The following DLC1 variants were observed in gnomAD, a reference collection of about 807,000 sequenced individuals.
DLC1 encodes the protein rho GTPase-activating protein 7.
A neutral mutation model predicts 140.3 loss-of-function variants in DLC1; 54 were observed. The observed-to-expected ratio is 0.38, with a 90% CI of 0.31 to 0.48. The LOEUF (loss-of-function observed/expected upper bound fraction) is 0.48, where lower values mean the gene tolerates loss of function less well. DLC1 is among the 20% of genes least tolerant of loss of function. DLC1 has a pLI of 0.96. For missense variants in DLC1, 2,536 were observed against 1,907.0 expected, an observed-to-expected ratio of 1.33 and a Z score of -6.14; for synonymous variants, 986 against 728.1, an observed-to-expected ratio of 1.35 and a Z score of -5.70.
At chr8:13,200,571 G>T (rs924921167) in intron 5 of DLC1, among the ~76,000 whole-genome samples, 1 of 151,992 alleles carries the variant, frequency 6.6e-6, no homozygotes, top group Middle Eastern at 3.2e-3. Context: ...CTGTCTACGA[G>T]ACTGATTACA....
chr8:13,394,807 A>T (rs79550340), intron 3 of DLC1, among the ~76,000 whole-genome samples: 5,061 of 152,218 alleles, frequency 0.033, 108 homozygotes, highest in South Asian at 0.076. Context: ...AGGAGGGACT[A>T]GGCCCTGTGC....
At chr8:13,178,724 G>A (rs996428631) in intron 5 of DLC1, among the ~76,000 whole-genome samples, 2 of 150,870 alleles carry the variant, frequency 1.3e-5, no homozygotes, top group Non-Finnish European at 2.9e-5. Flanking sequence ...CTAAAAATCA[G>A]TAGAAAAAAG....
At chr8:13,178,667 A>T (rs1825881202) in intron 5 of DLC1, among the ~76,000 whole-genome samples, 2 of 150,954 alleles carry the variant, frequency 1.3e-5, no homozygotes, top group Non-Finnish European at 3.0e-5. Flanking sequence ...TTTTTTGCAA[A>T]ACATATAATC....
rs568182 is a variant in DLC1 at position 13,092,806 on chromosome 8, G to T, written c.3546C>A (p.Arg1182=). 0.061 allele frequency: 99,167 copies of T among 1,613,454 alleles called. 4,639 individuals are homozygous for T. Among genetic ancestry groups the T allele is most frequent in the African/African-American group, 0.24 (17,831 of 74,906 alleles). The change falls in exon 13 of 18, where the codon CGC becomes CGA. Residue 1182 remains arginine, a synonymous_variant. Transcript: ENST00000276297. ...QIYQYVPKDQ[R]LQAIKAAIML... ...TGATGGCAGCCTTGATGGCCTGCAG[G>T]CGCTGGTCCTTGGGCACATCTGCAC...
intron 5 of DLC1, among the ~76,000 whole-genome samples, chr8:13,193,112 T>C (rs1826855325): frequency 1.3e-5 from 2 of 152,204 alleles, no homozygotes; most frequent in Non-Finnish European, 2.9e-5. Context: ...CTTTAAGTCT[T>C]CCTTATGGAG....
At chr8:13,412,530 A>G (rs184828695) in intron 2 of DLC1, among the ~76,000 whole-genome samples, 33 of 152,266 alleles carry the variant, frequency 2.2e-4, no homozygotes, top group African/African-American at 7.0e-4. Context: ...TAACTTAATG[A>G]GTTATGGCAC....
chr8:13,237,928 G>A (rs574044978), intron 5 of DLC1, among the ~76,000 whole-genome samples: 3 of 152,072 alleles, frequency 2.0e-5, no homozygotes, highest in Non-Finnish European at 4.4e-5. Flanking sequence ...AGGAAAGAGA[G>A]AGAGCAAGAG....
intron 5 of DLC1, among the ~76,000 whole-genome samples, chr8:13,178,841 G>C (rs1279269551): frequency 6.6e-6 from 1 of 152,114 alleles, no homozygotes; most frequent in Admixed American, 6.5e-5. Flanking sequence ...TCTAGTAGGA[G>C]TATAAATAAG....
intron 5 of DLC1, among the ~76,000 whole-genome samples, chr8:13,296,888 A>G (rs1424017382): frequency 6.6e-6 from 1 of 151,986 alleles, no homozygotes. Context: ...AACATATTAA[A>G]AGAGAAATTG....
At chr8:13,494,094 C>A (rs768971388) in intron 2 of DLC1, among the ~76,000 whole-genome samples, 4 of 152,086 alleles carry the variant, frequency 2.6e-5, no homozygotes, top group Non-Finnish European at 5.9e-5. Flanking sequence ...CAAATAGTTT[C>A]ATAATGAGGA....
At chr8:13,548,716 G>C (rs761488578) in intron 1 of DLC1, among the ~76,000 whole-genome samples, 1 of 151,904 alleles carries the variant, frequency 6.6e-6, no homozygotes, top group Non-Finnish European at 1.5e-5. Context: ...TGATAACATA[G>C]AGATATATCT....
chr8:13,430,124 AAGTT>A (rs1299563040), intron 2 of DLC1, among the ~76,000 whole-genome samples: 4 of 152,154 alleles, frequency 2.6e-5, no homozygotes, highest in African/African-American at 4.8e-5. Context: ...AAAATTCTCT[AAGTT>A]AGTCCAAAGG....
At chr8:13,311,527 C>T (rs1298586564) in intron 4 of DLC1, among the ~76,000 whole-genome samples, 2 of 152,206 alleles carry the variant, frequency 1.3e-5, no homozygotes, top group Non-Finnish European at 2.9e-5. Flanking sequence ...TGAGAAACGT[C>T]ATTGATGCTG....
intron 2 of DLC1, among the ~76,000 whole-genome samples, chr8:13,490,854 C>T (rs542656530): frequency 2.6e-5 from 4 of 151,862 alleles, no homozygotes; most frequent in East Asian, 3.9e-4. Flanking sequence ...TGTAAATGTG[C>T]GATTTTGGTT....
rs550369986 is a variant in DLC1, at chr8:13,586,925, C to T, written c.-126+17612G>A. Among the ~76,000 whole-genome samples, 3 of 152,198 alleles carry T rather than the reference C, an allele frequency of 2.0e-5. No individual in the cohort carries two copies. The South Asian group carries it at 6.2e-4, about 32-fold the overall frequency. On this transcript the variant is annotated intron_variant, in intron 1 of 1. Transcript: ENST00000631382. ...AAACCTTCAACAACTAAGTAAGACCCACCTGCATCAGGTGCCTCAATATAA... is the reference window on the plus strand; with the variant it reads ...AAACCTTCAACAACTAAGTAAGACCTACCTGCATCAGGTGCCTCAATATAA...
At chr8:13,583,686 T>G (rs1472665176) in intron 1 of DLC1, among the ~76,000 whole-genome samples, 1 of 152,230 alleles carries the variant, frequency 6.6e-6, no homozygotes, top group Non-Finnish European at 1.5e-5. Context: ...TATTAATTCT[T>G]TAGCGAAATA....
Position 13,086,295 on chromosome 8 carries a change from G to A in DLC1, c.4461C>T (p.Asp1487=), listed in dbSNP as rs758256050. ...KSKLTYMCRV[D]LRGHMPEWYT... is the part of the protein sequence containing the mutation. Reference sequence around the variant, plus strand: ...AAATCAGAATCAGAACATACCTTAAGTCAACTCTGCACATGTAGGTGAGTT... The same window carrying A: ...AAATCAGAATCAGAACATACCTTAAATCAACTCTGCACATGTAGGTGAGTT... The change falls in exon 17 of 18, where the codon GAC becomes GAT. Residue 1487 remains aspartate (D), a synonymous_variant. Coordinates refer to ENST00000276297, the MANE Select transcript of DLC1 (RefSeq NM_182643.3). 1.9e-6 allele frequency: 3 copies of A among 1,613,874 alleles called. No homozygotes were observed. The South Asian group carries it at 3.3e-5, about 18-fold the overall frequency.
intron 5 of DLC1, chr8:13,133,347 G>T: frequency 8.9e-7 from 1 of 1,126,832 alleles, no homozygotes; most frequent in Non-Finnish European, 1.1e-6. Context: ...CCGAGGGGCG[G>T]GGCCAGAGCG....
chr8:13,498,996 C>T (rs772823006), intron 2 of DLC1, 53 bp downstream of exon 2: 2 of 1,521,128 alleles, frequency 1.3e-6, no homozygotes. Flanking sequence ...ACTGATAAAT[C>T]CAAGGATATT....
Sources: gnomAD v4.1 joint callset for allele counts (sites outside exome capture counted in the v4.1 genomes callset) on GRCh38, gnomAD v4.1.1 for gene constraint, MANE v1.5 for transcripts, NCBI Gene and HGNC (gene_info 2026-07-23, HGNC 2026-07-21) for gene names.